POMGNT2: variants seen among roughly 807,000 people sequenced by gnomAD.
POMGNT2 encodes protein O-linked-mannose beta-1,4-N-acetylglucosaminyltransferase 2.
POMGNT2 carries 32 observed loss-of-function variants against 37.8 expected under a neutral mutation model. That is an observed-to-expected ratio of 0.85 (90% CI 0.64 to 1.14). The LOEUF (loss-of-function observed/expected upper bound fraction) is 1.14. Ranked by LOEUF, POMGNT2 falls within the 50% of genes most tolerant of loss-of-function variation. The pLI is 0.00. For synonymous variants in POMGNT2, 340 were observed against 336.8 expected, an observed-to-expected ratio of 1.01 and a Z score of -0.10; for missense variants, 705 against 780.6, an observed-to-expected ratio of 0.90 and a Z score of 1.15.
chr3:43,096,207 A>G (rs2089978981), intron 1 of POMGNT2, among the ~76,000 whole-genome samples: 1 of 152,188 alleles, frequency 6.6e-6, no homozygotes, highest in Non-Finnish European at 1.5e-5. Flanking sequence ...CTCTGGGACC[A>G]GCAGCTGATT....
chr3:43,101,710 G>C (rs2090020220), intron 1 of POMGNT2, among the ~76,000 whole-genome samples: 1 of 152,184 alleles, frequency 6.6e-6, no homozygotes, highest in African/African-American at 2.4e-5. Flanking sequence ...TCTAGCCCAG[G>C]TTAAACAACT....
chr3:43,081,549 A>C lies in POMGNT2; in HGVS notation c.-105-13T>G. Reference sequence around the variant, plus strand: ...AACTGGTGAAAGCCTGCAGGAGGAGAGAAGGAAAAGAAAAAGGAATTGGCA... The same window carrying C: ...AACTGGTGAAAGCCTGCAGGAGGAGCGAAGGAAAAGAAAAAGGAATTGGCA... On this transcript the variant is annotated splice_polypyrimidine_tract_variant and intron_variant, in intron 1 of 1. Transcript: ENST00000344697. 1 of 885,570 alleles carries C rather than the reference A, an allele frequency of 1.1e-6. No individual in the cohort carries two copies. The allele number at this position is 885,570 out of a possible 1,614,324, so 54.9% of individuals were successfully genotyped here.
In POMGNT2 at chr3:43,080,407, A is replaced by G. The variant is rs747156450; in HGVS notation, c.1025T>C (p.Val342Ala). Residue 342 changes from valine (V) to alanine (A), a missense_variant, in exon 2 of 2, where the codon GTC becomes GCC. Transcript: ENST00000344697. ...GACCAGCTGGGCCCCATGCATGCTG[A>G]CCAGCATGGAGGCATTGCTGACCAG... ...VRLVSNASML[V>A]SMHGAQLVTT... 6.2e-7 allele frequency: 1 copy of G among 1,614,072 alleles called. No homozygotes were observed. The highest frequency in any genetic ancestry group is 1.7e-5 in the Admixed American group (1 of 60,030).
In POMGNT2 at chr3:43,080,270, G is replaced by C. The variant is rs139060322; in HGVS notation, c.1162C>G (p.Leu388Val). The change falls in exon 2 of 2, where the codon CTC (leucine) becomes GTC (valine). Residue 388 changes from leucine to valine, a missense_variant. Physicochemically the swap from Leu to Val is conservative, Grantham distance 32. Coordinates refer to ENST00000344697, the MANE Select transcript of POMGNT2 (RefSeq NM_032806.6). ...ATGTTCCGCCAGGCTACATACTGGA[G>C]GTCCATGCCAGGCAGCATGGCCAGC... Reference protein sequence around the residue: ...KTLAMLPGMDLQYVAWRNMMP... With the variant: ...KTLAMLPGMDVQYVAWRNMMP... The C allele has an allele frequency of 6.2e-7, 1 of 1,614,202 alleles. No homozygotes were observed. Among genetic ancestry groups the C allele is most frequent in the Non-Finnish European group, 8.5e-7 (1 of 1,180,036 alleles).
chr3:43,102,529 G>T (rs2090026763), intron 1 of POMGNT2, among the ~76,000 whole-genome samples: 1 of 152,166 alleles, frequency 6.6e-6, no homozygotes, highest in South Asian at 2.1e-4. Flanking sequence ...GTTGGCCTCT[G>T]GGTAGGGGAT....
chr3:43,082,049 G>C (rs1236347733), intron 1 of POMGNT2, among the ~76,000 whole-genome samples: 1 of 152,226 alleles, frequency 6.6e-6, no homozygotes, highest in Non-Finnish European at 1.5e-5. Context: ...CCAACACATA[G>C]ACATCAGGGC....
At chr3:43,093,180 G>C (rs887917795) in intron 1 of POMGNT2, among the ~76,000 whole-genome samples, 1 of 152,214 alleles carries the variant, frequency 6.6e-6, no homozygotes, top group Admixed American at 6.5e-5. Context: ...TCTGGACCTG[G>C]CTGACTGTAC....
chr3:43,079,542 AC>A lies in POMGNT2; in HGVS notation c.*146del. 1 of 688,854 alleles carries A rather than the reference AC, an allele frequency of 1.5e-6. No homozygotes were observed. Among genetic ancestry groups the A allele is most frequent in the Non-Finnish European group, 2.4e-6 (1 of 418,072 alleles). The allele number at this position is 688,854 out of a possible 1,614,324, so 42.7% of individuals were successfully genotyped here. ...CTCTAGGGCAAAGAGGAGTGCTGTG[AC>A]ACCACACCCCAGAGACAACAAGATG... On this transcript the variant is annotated 3_prime_UTR_variant, in exon 2 of 2. Coordinates refer to ENST00000344697, the MANE Select transcript of POMGNT2 (RefSeq NM_032806.6).
At chr3:43,086,753 T>C (rs1238689974) in intron 1 of POMGNT2, among the ~76,000 whole-genome samples, 2 of 152,198 alleles carry the variant, frequency 1.3e-5, no homozygotes, top group Non-Finnish European at 2.9e-5. Flanking sequence ...TGAAGCAGGA[T>C]GCCAGCAATA....
Position 43,079,842 on chromosome 3 carries a change from C to T in POMGNT2, c.1590G>A (p.Gly530=), listed in dbSNP as rs951952546. The change falls in exon 2 of 2, where the codon GGG becomes GGA. Residue 530 remains glycine (G), a synonymous_variant. Transcript: ENST00000344697. ...GGATGTAAGGCACGTAGGTGTTCTC[C>T]CCCTGCTCCTGCAGCCACACCTCGT... is the stretch of plus-strand genomic sequence containing the variant. ...VKYEVWLQEQ[G]ENTYVPYILA... is the part of the protein sequence containing the mutation. The T allele has an allele frequency of 1.2e-6, 2 of 1,614,078 alleles. No individual in the cohort carries two copies. The highest frequency in any genetic ancestry group is 4.5e-5 in the East Asian group (2 of 44,884).
Position 43,080,087 on chromosome 3 carries a change from C to T in POMGNT2, c.1345G>A (p.Asp449Asn). 1 of 1,613,846 alleles carries T rather than the reference C, an allele frequency of 6.2e-7. No individual in the cohort carries two copies. ...AGGGACGGGATGTCCACCTTGGTGT[C>T]CTGGTAGATTCGGAAGAGCCACTCG... The part of the protein sequence containing the change: ...NPEWLFRIYQ[D>N]TKVDIPSLIQ... The change falls in exon 2 of 2, where the codon GAC becomes AAC. Residue 449 changes from aspartate to asparagine, a missense_variant. Transcript: ENST00000344697.
At chr3:43,103,607 A>G (rs1301635203) in intron 1 of POMGNT2, among the ~76,000 whole-genome samples, 3 of 152,200 alleles carry the variant, frequency 2.0e-5, no homozygotes, top group Non-Finnish European at 4.4e-5. Context: ...ACACACAGCC[A>G]GGCTGCAGGG....
At chr3:43,104,364 A>G (rs2090042008) in intron 1 of POMGNT2, among the ~76,000 whole-genome samples, 1 of 152,248 alleles carries the variant, frequency 6.6e-6, no homozygotes, top group South Asian at 2.1e-4. Flanking sequence ...TTTTCTAGTT[A>G]GTGCAATATT....
chr3:43,083,268 T>A (rs2089870282), intron 1 of POMGNT2, among the ~76,000 whole-genome samples: 1 of 152,170 alleles, frequency 6.6e-6, no homozygotes, highest in Admixed American at 6.5e-5. Flanking sequence ...CTGCCCATAA[T>A]CATCTTAATT....
rs1331857090 is a variant in POMGNT2, at chr3:43,098,579, T to C, written c.-106+7257A>G. ...TATCAAGGCATATTTAACATTTAGT[T>C]AAGGGCTCACTTTCTTAGATTAAAA... On this transcript the variant is annotated intron_variant, in intron 1 of 1. Coordinates refer to ENST00000344697, the MANE Select transcript of POMGNT2 (RefSeq NM_032806.6). This position sits in a 1 kb window ranked among gnomAD's most constrained non-coding sequence, Gnocchi z 4.3. Among the ~76,000 whole-genome samples the C allele has an allele frequency of 6.6e-6, 1 of 152,238 alleles. No homozygotes were observed. The highest frequency in any genetic ancestry group is 1.5e-5 in the Non-Finnish European group (1 of 68,036).
intron 1 of POMGNT2, among the ~76,000 whole-genome samples, chr3:43,084,593 C>T (rs1427243726): frequency 6.6e-6 from 1 of 151,160 alleles, no homozygotes; most frequent in Non-Finnish European, 1.5e-5. Context: ...TGCAGTGAGC[C>T]GAGATCGCAC....
At position 43,080,068 on chromosome 3, in the gene POMGNT2, G is replaced by A. The variant is rs368757710; in HGVS notation, c.1364C>T (p.Pro455Leu). The A allele has an allele frequency of 5.0e-6, 8 of 1,613,742 alleles. No individual in the cohort carries two copies. The highest frequency in any genetic ancestry group is 2.7e-5 in the African/African-American group (2 of 74,948). ...GCGCCGTATGGTTTGAATGAGGGAC[G>A]GGATGTCCACCTTGGTGTCCTGGTA... ...RIYQDTKVDIPSLIQTIRRVV... is the reference protein window; with the variant it reads ...RIYQDTKVDILSLIQTIRRVV... Residue 455 changes from proline (P) to leucine (L), a missense_variant, in exon 2 of 2, where the codon CCG becomes CTG. Coordinates refer to ENST00000344697, the MANE Select transcript of POMGNT2 (RefSeq NM_032806.6).
At chr3:43,087,727 A>G (rs2089909325) in intron 1 of POMGNT2, 1 of 152,168 alleles carries the variant, frequency 6.6e-6, no homozygotes, top group South Asian at 2.1e-4. Context: ...AGACACCTTT[A>G]AAGGTATCAC....
intron 1 of POMGNT2, among the ~76,000 whole-genome samples, chr3:43,099,734 T>C (rs1250072121): frequency 1.3e-5 from 2 of 152,064 alleles, no homozygotes; most frequent in Non-Finnish European, 2.9e-5. Context: ...GCCAGGTCCC[T>C]GCCAGATACC....
Sources: allele counts gnomAD v4.1 joint callset (sites outside exome capture counted in the v4.1 genomes callset), GRCh38; gene constraint gnomAD v4.1.1; non-coding constraint Gnocchi (gnomAD v3.1); transcripts MANE v1.5; gene names NCBI Gene and HGNC (gene_info 2026-07-23, HGNC 2026-07-21).